The following NKAIN2 variants were observed in gnomAD, a reference collection of about 807,000 sequenced individuals.
The protein encoded by NKAIN2 is sodium/potassium-transporting ATPase subunit beta-1-interacting protein 2.
NKAIN2 carries 14 observed loss-of-function variants against 32.6 expected under a neutral mutation model. The ratio of observed to expected loss-of-function variants is 0.43; its 90% CI spans 0.28 to 0.67. The LOEUF is 0.67. Ranked by LOEUF, NKAIN2 falls within the 30% of genes least tolerant of loss-of-function variation. NKAIN2 has a pLI of 0.17. For missense variants in NKAIN2, 198 were observed against 258.3 expected, an observed-to-expected ratio of 0.77 and a Z score of 1.60; for synonymous variants, 80 against 87.2, an observed-to-expected ratio of 0.92 and a Z score of 0.46.
intron 1 of NKAIN2, among the ~76,000 whole-genome samples, chr6:124,188,247 G>A (rs932728620): frequency 1.3e-5 from 2 of 152,088 alleles, no homozygotes; most frequent in African/African-American, 4.8e-5. Flanking sequence ...TAAGAGATTG[G>A]TTGCAAAGAA....
chr6:124,389,702 T>A (rs570896044), intron 3 of NKAIN2, among the ~76,000 whole-genome samples: 8 of 139,840 alleles, frequency 5.7e-5, no homozygotes, highest in African/African-American at 2.2e-4. Context: ...CCTTTCCTCA[T>A]CTCTGTGTAC....
chr6:124,158,857 A>G (rs1788126018), intron 1 of NKAIN2, among the ~76,000 whole-genome samples: 1 of 152,196 alleles, frequency 6.6e-6, no homozygotes, highest in Admixed American at 6.6e-5. Flanking sequence ...TATAGTAAGT[A>G]TCCAACACAT....
At chr6:124,269,536 C>T (rs188577501) in intron 1 of NKAIN2, among the ~76,000 whole-genome samples, 32 of 149,802 alleles carry the variant, frequency 2.1e-4, no homozygotes, top group Non-Finnish European at 3.4e-4. Flanking sequence ...GGTGCGAACT[C>T]GGCTCACTGA....
chr6:124,511,456 G>C (rs1023328623), intron 3 of NKAIN2, among the ~76,000 whole-genome samples: 1 of 152,066 alleles, frequency 6.6e-6, no homozygotes, highest in African/African-American at 2.4e-5. Context: ...AGAGCACAAG[G>C]CAATTAAAAA....
At chr6:124,603,600 C>A (rs563427808) in intron 3 of NKAIN2, among the ~76,000 whole-genome samples, 1 of 151,990 alleles carries the variant, frequency 6.6e-6, no homozygotes, top group Non-Finnish European at 1.5e-5. Flanking sequence ...AACTAAGCTG[C>A]CTCAGAATTT....
At chr6:124,484,525 A>C (rs1448921917) in intron 3 of NKAIN2, among the ~76,000 whole-genome samples, 1 of 152,180 alleles carries the variant, frequency 6.6e-6, no homozygotes, top group East Asian at 1.9e-4. Context: ...TAAACTCTAT[A>C]ACTCTTATAT....
chr6:124,060,889 G>A lies in NKAIN2; in HGVS notation c.55-222116G>A, dbSNP rs576819160. On this transcript the variant is annotated intron_variant, in intron 1 of 6. Coordinates refer to ENST00000368417, the MANE Select transcript of NKAIN2 (RefSeq NM_001040214.3). ...AATATTCAGCCACTAAAAATAAAAT[G>A]TCATCCAGCAATGGAAAAATACTAC... is the stretch of plus-strand genomic sequence containing the variant. 8.5e-5 allele frequency among the ~76,000 whole-genome samples: 13 copies of A among 152,162 alleles called. No individual in the cohort carries two copies. In the East Asian group the frequency reaches 2.5e-3, roughly 29 times the overall value.
chr6:124,483,552 G>T (rs2114705875), intron 3 of NKAIN2, among the ~76,000 whole-genome samples: 1 of 152,202 alleles, frequency 6.6e-6, no homozygotes, highest in East Asian at 1.9e-4. Context: ...AGATAAACCT[G>T]TTGAATTTCT....
Position 124,009,496 on chromosome 6 carries a change from A to G in NKAIN2, c.54+205242A>G, listed in dbSNP as rs935999597. ...AAATAATGCTGGGTGGCGGCTTACGATGTGGCAGCTCCTTGCACTGCATAC... is the reference window on the plus strand; with the variant it reads ...AAATAATGCTGGGTGGCGGCTTACGGTGTGGCAGCTCCTTGCACTGCATAC... On this transcript the variant is annotated intron_variant, in intron 1 of 6. Transcript: ENST00000368417. 3.3e-5 allele frequency among the ~76,000 whole-genome samples: 5 copies of G among 152,084 alleles called. No homozygotes were observed. The East Asian group carries it at 9.7e-4, about 29-fold the overall frequency.
chr6:124,444,476 A>G (rs1775811215), intron 3 of NKAIN2, among the ~76,000 whole-genome samples: 1 of 152,012 alleles, frequency 6.6e-6, no homozygotes, highest in Non-Finnish European at 1.5e-5. Flanking sequence ...GTTGCTTTCA[A>G]TATGCCTTTA....
chr6:123,999,158 T>A (rs1009791531), intron 1 of NKAIN2, among the ~76,000 whole-genome samples: 1 of 152,128 alleles, frequency 6.6e-6, no homozygotes, highest in Non-Finnish European at 1.5e-5. Flanking sequence ...ATGCAAATGG[T>A]AAGGTTACAT....
intron 1 of NKAIN2, among the ~76,000 whole-genome samples, chr6:124,023,321 C>T (rs1043869338): frequency 6.6e-6 from 1 of 151,668 alleles, no homozygotes; most frequent in African/African-American, 2.4e-5. Context: ...CCTTGATTTC[C>T]TTCCTCTCTT....
intron 1 of NKAIN2, among the ~76,000 whole-genome samples, chr6:124,277,699 T>C (rs1445106840): frequency 6.6e-6 from 1 of 152,124 alleles, no homozygotes; most frequent in Non-Finnish European, 1.5e-5. Flanking sequence ...TCTCTCTTTC[T>C]TCAAAAACTT....
chr6:123,929,338 C>G (rs1260187137), intron 1 of NKAIN2, among the ~76,000 whole-genome samples: 2 of 152,056 alleles, frequency 1.3e-5, no homozygotes, highest in African/African-American at 4.8e-5. Context: ...TACTCAACCT[C>G]CCTGAGTCTC....
At chr6:124,085,062 T>C (rs370131470) in intron 1 of NKAIN2, among the ~76,000 whole-genome samples, 53 of 152,006 alleles carry the variant, frequency 3.5e-4, no homozygotes, top group African/African-American at 1.1e-3. Context: ...CTGTAAATAG[T>C]GTATTTTGTA....
intron 1 of NKAIN2, among the ~76,000 whole-genome samples, chr6:124,272,722 G>A (rs904473312): frequency 6.6e-6 from 1 of 152,152 alleles, no homozygotes; most frequent in Non-Finnish European, 1.5e-5. Flanking sequence ...AAAGCCACAG[G>A]CGCTCAATGC....
At chr6:124,441,806 C>G (rs769260974) in intron 3 of NKAIN2, among the ~76,000 whole-genome samples, 4 of 152,040 alleles carry the variant, frequency 2.6e-5, no homozygotes, top group Admixed American at 6.6e-5. Flanking sequence ...ATTACTACCC[C>G]TTCTAGGTGG....
chr6:124,070,441 A>G (rs1783400896), intron 1 of NKAIN2, among the ~76,000 whole-genome samples: 1 of 152,208 alleles, frequency 6.6e-6, no homozygotes, highest in South Asian at 2.1e-4. Context: ...ATACTTGGAT[A>G]GAAACATTAC....
At chr6:124,525,597 G>A (rs1476314135) in intron 3 of NKAIN2, among the ~76,000 whole-genome samples, 1 of 151,972 alleles carries the variant, frequency 6.6e-6, no homozygotes, top group Non-Finnish European at 1.5e-5. Context: ...TATAAACAAT[G>A]GATTATGGTA....
Sources: allele counts gnomAD v4.1 joint callset (sites outside exome capture counted in the v4.1 genomes callset), GRCh38; gene constraint gnomAD v4.1.1; transcripts MANE v1.5; gene names NCBI Gene and HGNC (gene_info 2026-07-23, HGNC 2026-07-21).